Variants in TOX observed in about 807,000 individuals in gnomAD.
TOX encodes the protein thymocyte selection-associated high mobility group box protein TOX.
TOX carries 11 observed loss-of-function variants against 53.7 expected under a neutral mutation model. The observed-to-expected ratio is 0.20, with a 90% CI of 0.13 to 0.34. The LOEUF (loss-of-function observed/expected upper bound fraction) is 0.34. Ranked by LOEUF, TOX falls within the 10% of genes least tolerant of loss-of-function variation. TOX has a pLI of 1.00. For synonymous variants in TOX, 225 were observed against 245.3 expected, an observed-to-expected ratio of 0.92 and a Z score of 0.77; for missense variants, 570 against 664.6, an observed-to-expected ratio of 0.86 and a Z score of 1.56.
chr8:58,815,987 C>T (rs1259622888), intron 6 of TOX, among the ~76,000 whole-genome samples: 1 of 152,116 alleles, frequency 6.6e-6, no homozygotes, highest in East Asian at 1.9e-4. Context: ...TGACTTTTCT[C>T]ATTATCCAAA....
intron 8 of TOX, 87 bp from the exon 9 acceptor site, chr8:58,807,870 T>C (rs1487371467): frequency 1.3e-6 from 2 of 1,541,580 alleles, no homozygotes; most frequent in East Asian, 2.3e-5. Flanking sequence ...TTTGAATTAT[T>C]TGCTCCAGCT....
intron 3 of TOX, among the ~76,000 whole-genome samples, chr8:58,915,622 G>A (rs1260741371): frequency 7.0e-6 from 1 of 142,750 alleles, no homozygotes; most frequent in African/African-American, 2.6e-5. Context: ...CAGAAAAACT[G>A]GAAACTCTAA....
At position 58,870,187 on chromosome 8, in the gene TOX, A is replaced by T. The variant is rs187628572; in HGVS notation, c.412-18382T>A. 2.4e-4 allele frequency among the ~76,000 whole-genome samples: 36 copies of T among 152,216 alleles called. 2 individuals are homozygous for T. Among genetic ancestry groups the T allele is most frequent in the African/African-American group, 8.4e-4 (35 of 41,546 alleles). ...TCTATGTAGAAAATCCCAAAGAATTAAAAAAAATCTCCTGGAAATAATAAG... is the reference window on the plus strand; with the variant it reads ...TCTATGTAGAAAATCCCAAAGAATTTAAAAAAATCTCCTGGAAATAATAAG... On this transcript the variant is annotated intron_variant, in intron 3 of 8. Coordinates refer to ENST00000361421, the MANE Select transcript of TOX (RefSeq NM_014729.3).
intron 1 of TOX, among the ~76,000 whole-genome samples, chr8:58,999,664 C>T (rs1409855186): frequency 6.6e-6 from 1 of 152,148 alleles, no homozygotes; most frequent in East Asian, 1.9e-4. Flanking sequence ...TATAGCAGAA[C>T]TCTATGTGTG....
intron 7 of TOX, 113 bp downstream of exon 7, chr8:58,815,225 A>G (rs1810152850): frequency 7.4e-7 from 1 of 1,354,866 alleles, no homozygotes; most frequent in South Asian, 1.8e-5. Context: ...CTTAAATAGA[A>G]GGATAGAAAA....
rs952756179 is a variant in TOX, at chr8:58,837,292, T to C, written c.924+789A>G. On this transcript the variant is annotated intron_variant, in intron 5 of 8. Coordinates refer to ENST00000361421, the MANE Select transcript of TOX (RefSeq NM_014729.3). ...TTTCAATCACTTATTTTAATGAAAA[T>C]GCTTTTAAATTTTTCTTTGTGATGC... 1.3e-5 allele frequency among the ~76,000 whole-genome samples: 2 copies of C among 152,306 alleles called. 1 individual carries two copies. Among genetic ancestry groups the C allele is most frequent in the South Asian group, 4.1e-4 (2 of 4,822 alleles).
intron 1 of TOX, among the ~76,000 whole-genome samples, chr8:58,978,403 A>G (rs548309141): frequency 6.6e-6 from 1 of 152,302 alleles, no homozygotes; most frequent in South Asian, 2.1e-4. Context: ...CCTTGAAATG[A>G]CAGACTCCTC....
intron 5 of TOX, 126 bp from the exon 6 acceptor site, chr8:58,827,028 C>A: frequency 2.0e-6 from 1 of 507,164 alleles, no homozygotes; most frequent in South Asian, 7.5e-5. Flanking sequence ...TAATATATAT[C>A]TCCCCAAAGA....
chr8:58,948,550 A>C (rs1409177260), intron 2 of TOX, among the ~76,000 whole-genome samples: 1 of 152,154 alleles, frequency 6.6e-6, no homozygotes, highest in East Asian at 1.9e-4. Flanking sequence ...CCATAAACAA[A>C]TCATTAGAGA....
intron 2 of TOX, 52 bp downstream of exon 2, chr8:58,959,891 G>C (rs1812772844): frequency 1.3e-6 from 2 of 1,583,128 alleles, no homozygotes; most frequent in African/African-American, 1.3e-5. Flanking sequence ...GCAACTCTTT[G>C]AATTTGTTTA....
At chr8:59,108,698 G>A (rs1271484433) in intron 1 of TOX, among the ~76,000 whole-genome samples, 1 of 149,008 alleles carries the variant, frequency 6.7e-6, no homozygotes, top group African/African-American at 2.5e-5. Flanking sequence ...ACACACACAA[G>A]GTTATCAAAA....
chr8:58,876,581 T>C (rs1163900561), intron 3 of TOX, among the ~76,000 whole-genome samples: 3 of 152,166 alleles, frequency 2.0e-5, no homozygotes, highest in Admixed American at 1.3e-4. Flanking sequence ...TCAGTTTCAC[T>C]GAGCGAATGT....
At chr8:58,971,141 G>C (rs1205815008) in intron 1 of TOX, among the ~76,000 whole-genome samples, 1 of 152,204 alleles carries the variant, frequency 6.6e-6, no homozygotes, top group Admixed American at 6.5e-5. Flanking sequence ...GATTGTGCTA[G>C]AGCTGCTCCA....
chr8:58,948,846 G>GA (rs34572158), intron 2 of TOX, among the ~76,000 whole-genome samples: 34 of 150,600 alleles, frequency 2.3e-4, no homozygotes, highest in African/African-American at 3.9e-4. Flanking sequence ...ATATACATAG[G>GA]AAAAAAAAAT....
chr8:59,079,444 G>A (rs543342361), intron 1 of TOX, among the ~76,000 whole-genome samples: 1 of 152,236 alleles, frequency 6.6e-6, no homozygotes, highest in East Asian at 1.9e-4. Context: ...AACGCCTTGG[G>A]ACACTGCTCT....
intron 1 of TOX, among the ~76,000 whole-genome samples, chr8:58,963,377 T>C (rs1812836908): frequency 6.6e-6 from 1 of 152,014 alleles, no homozygotes; most frequent in Admixed American, 6.6e-5. Flanking sequence ...ATAGATCATC[T>C]ATCCATCCAT....
chr8:58,823,161 T>C (rs1810309847), intron 6 of TOX, among the ~76,000 whole-genome samples: 1 of 152,246 alleles, frequency 6.6e-6, no homozygotes, highest in South Asian at 2.1e-4. Flanking sequence ...GAGTTCAACG[T>C]TATTCTAGCT....
chr8:58,895,911 T>C (rs1050833753), intron 3 of TOX, among the ~76,000 whole-genome samples: 1 of 152,196 alleles, frequency 6.6e-6, no homozygotes, highest in Non-Finnish European at 1.5e-5. Context: ...GTACTGCATC[T>C]ACAAAGCTTC....
chr8:59,050,018 G>A (rs1803760054), intron 1 of TOX, among the ~76,000 whole-genome samples: 1 of 152,100 alleles, frequency 6.6e-6, no homozygotes, highest in Admixed American at 6.6e-5. Flanking sequence ...TGCCTGACAT[G>A]AACAATTTTA....
Sources: gnomAD v4.1 joint callset for allele counts (sites outside exome capture counted in the v4.1 genomes callset) on GRCh38, gnomAD v4.1.1 for gene constraint, MANE v1.5 for transcripts, NCBI Gene and HGNC (gene_info 2026-07-23, HGNC 2026-07-21) for gene names.